Variants in ASIP observed in about 807,000 individuals in gnomAD.
ASIP encodes the protein agouti signaling protein.
In ASIP, 11 loss-of-function variants were observed where a neutral mutation model predicts 10.3. That is an observed-to-expected ratio of 1.07 (90% CI 0.68 to 1.78). The LOEUF is 1.78. Ranked by LOEUF, ASIP falls within the 40% of genes most tolerant of loss-of-function variation. The pLI is 0.00. For synonymous variants in ASIP, 70 were observed against 70.8 expected, an observed-to-expected ratio of 0.99 and a Z score of 0.06; for missense variants, 180 against 169.2, an observed-to-expected ratio of 1.06 and a Z score of -0.35.
At chr20:34,200,553 C>T (rs2034885735) in intron 1 of ASIP, among the ~76,000 whole-genome samples, 1 of 152,112 alleles carries the variant, frequency 6.6e-6, no homozygotes, top group Non-Finnish European at 1.5e-5. Context: ...GTACACTTGC[C>T]CCAAATTGTA....
upstream of ASIP, among the ~76,000 whole-genome samples, chr20:34,190,740 A>G (rs577339894): frequency 5.3e-5 from 8 of 152,286 alleles, no homozygotes; most frequent in Admixed American, 2.6e-4. Flanking sequence ...TCTTTTCTCC[A>G]TACCAAGTGC....
chr20:34,241,373 A>G, upstream of ASIP: 1 of 839,532 alleles, frequency 1.2e-6, no homozygotes, highest in Non-Finnish European at 1.4e-6. Flanking sequence ...ATTTTGTAGT[A>G]TGATTGGTTG....
intron 1 of ASIP, among the ~76,000 whole-genome samples, chr20:34,194,924 T>A (rs1364516395): frequency 6.6e-6 from 1 of 152,188 alleles, no homozygotes; most frequent in Non-Finnish European, 1.5e-5. Flanking sequence ...TTATTTTTTT[T>A]GTTTATTTGC....
At chr20:34,250,895 G>T (rs1020822764) in intron 1 of ASIP, among the ~76,000 whole-genome samples, 1 of 152,058 alleles carries the variant, frequency 6.6e-6, no homozygotes, top group East Asian at 1.9e-4. Flanking sequence ...CAGTGCTGTC[G>T]CTAAGGGGAT....
chr20:34,223,360 C>T (rs1206270067), intron 1 of ASIP, among the ~76,000 whole-genome samples: 4 of 150,636 alleles, frequency 2.7e-5, no homozygotes, highest in African/African-American at 4.9e-5. Flanking sequence ...CCCAGCCGCC[C>T]CGTCTGAGAA....
chr20:34,200,956 CTTT>C (rs2034888736), intron 1 of ASIP, among the ~76,000 whole-genome samples: 1 of 103,460 alleles, frequency 9.7e-6, no homozygotes, highest in Non-Finnish European at 1.6e-5. Context: ...GATTTTCTTT[CTTT>C]CTTTCTTTCT....
chr20:34,202,801 C>CTTTTTTTTTTT (rs34156089), intron 1 of ASIP, among the ~76,000 whole-genome samples: 3 of 57,284 alleles, frequency 5.2e-5, no homozygotes, highest in African/African-American at 8.0e-5. Context: ...CTTGGCTATT[C>CTTTTTTTTTTT]TTTTTTTTTT....
intron 1 of ASIP, chr20:34,215,950 G>T (rs758902009): frequency 1.6e-4 from 126 of 777,250 alleles, no homozygotes; most frequent in Non-Finnish European, 2.8e-4. Context: ...TGATCCCACA[G>T]AAGAATTTAT....
chr20:34,191,041 C>T (rs2034821829), upstream of ASIP, among the ~76,000 whole-genome samples: 4 of 152,196 alleles, frequency 2.6e-5, no homozygotes, highest in African/African-American at 9.7e-5. Context: ...GCCTTCAGCT[C>T]CTGAGAGGCA....
chr20:34,188,221 A>T, the ASIP span, among the ~76,000 whole-genome samples: 1 of 152,228 alleles, frequency 6.6e-6, no homozygotes, highest in Non-Finnish European at 1.5e-5. Context: ...TTTACACAAA[A>T]TCGTAAAGGA....
intron 1 of ASIP, among the ~76,000 whole-genome samples, chr20:34,257,359 A>G (rs888721531): frequency 1.3e-5 from 2 of 152,200 alleles, no homozygotes; most frequent in Admixed American, 1.3e-4. Context: ...TGCTGGGATT[A>G]TAGGCGTGAG....
chr20:34,257,163 A>T (rs558186204), intron 1 of ASIP, among the ~76,000 whole-genome samples: 1 of 149,968 alleles, frequency 6.7e-6, no homozygotes, highest in Admixed American at 6.7e-5. Context: ...AGCTCACTGC[A>T]ACTTCCTCCC....
At chr20:34,259,904 G>A (rs577252907) in intron 1 of ASIP, among the ~76,000 whole-genome samples, 75 of 152,046 alleles carry the variant, frequency 4.9e-4, no homozygotes, top group South Asian at 1.0e-3. Context: ...TTGTCTGAAG[G>A]GGCCACTTAC....
intron 1 of ASIP, among the ~76,000 whole-genome samples, chr20:34,227,316 G>A (rs2035099684): frequency 6.6e-6 from 1 of 152,026 alleles, no homozygotes; most frequent in Admixed American, 6.6e-5. Flanking sequence ...ATTAATGAGA[G>A]AAATTAATAC....
chr20:34,222,658 C>T (rs2035056243), intron 1 of ASIP, among the ~76,000 whole-genome samples: 1 of 152,170 alleles, frequency 6.6e-6, no homozygotes. Flanking sequence ...GTCTCCCTCT[C>T]CCTCTCCCCA....
At position 34,235,913 on chromosome 20, in the gene ASIP, A is replaced by G. The variant is rs148356460; in HGVS notation, c.-10-24452A>G. ...AGGAAGGAAGGAAAGGAAGGAAGGA[A>G]GGAAGGAAGGAAGGAAGCGGGAGGG... On this transcript the variant is annotated intron_variant, in intron 1 of 3. Transcript: ENST00000568305. Among the ~76,000 whole-genome samples, 272 of 106,884 alleles carry G rather than the reference A, an allele frequency of 2.5e-3. 15 individuals carry two copies. The highest frequency in any genetic ancestry group is 5.4e-3 in the African/African-American group (115 of 21,420). The allele number at this position is 106,884 out of a possible 152,430, so 70.1% of individuals were successfully genotyped here.
At chr20:34,258,817 A>G (rs2035635890) in intron 1 of ASIP, among the ~76,000 whole-genome samples, 1 of 118,630 alleles carries the variant, frequency 8.4e-6, no homozygotes, top group African/African-American at 3.1e-5. Flanking sequence ...GATATATATA[A>G]TACTATATAT....
rs117650645 is a variant in ASIP, at chr20:34,249,459, G to A, written c.-11+7970G>A. 3.4e-3 allele frequency among the ~76,000 whole-genome samples: 514 copies of A among 152,092 alleles called. 3 individuals are homozygous for A. The highest frequency in any genetic ancestry group is 3.5e-3 in the Non-Finnish European group (240 of 68,004). On this transcript the variant is annotated intron_variant, in intron 1 of 3. Coordinates refer to ENST00000374954, the MANE Select transcript of ASIP (RefSeq NM_001672.3). ...TGTAATGTAATGTTTCCCCTAATCC[G>A]CAAACTTCTTCATAACCACTGTGTC...
rs2035669924 is a variant in ASIP, at chr20:34,260,448, C to T, written c.74C>T (p.Pro25Leu). ...LCFFTANSHL[P>L]PEEKLRDDRS... Reference sequence around the variant, plus strand: ...TTCTTCACTGCCAACAGCCACCTGCCACCTGAGGAGAAGCTCCGAGATGAC... The same window carrying T: ...TTCTTCACTGCCAACAGCCACCTGCTACCTGAGGAGAAGCTCCGAGATGAC... The change falls in exon 2 of 4, where the codon CCA becomes CTA. Residue 25 changes from proline (P) to leucine (L), a missense_variant. By Grantham distance (98) the Pro-to-Leu change is moderately conservative. Coordinates refer to ENST00000374954, the MANE Select transcript of ASIP (RefSeq NM_001672.3). 1 of 1,614,172 alleles carries T rather than the reference C, an allele frequency of 6.2e-7. No individual in the cohort carries two copies. The highest frequency in any genetic ancestry group is 2.2e-5 in the East Asian group (1 of 44,884).
Sources: gnomAD v4.1 joint callset for allele counts (sites outside exome capture counted in the v4.1 genomes callset) on GRCh38, gnomAD v4.1.1 for gene constraint, MANE v1.5 for transcripts, NCBI Gene and HGNC (gene_info 2026-07-23, HGNC 2026-07-21) for gene names.